PMVK: variants seen among roughly 807,000 people sequenced by gnomAD.
PMVK encodes phosphomevalonate kinase, also known as testis tissue sperm-binding protein Li 95mP.
Under a neutral mutation model 19.0 loss-of-function variants are expected in PMVK, and 10 were observed. The ratio of observed to expected loss-of-function variants is 0.53; its 90% CI spans 0.32 to 0.89. The LOEUF (loss-of-function observed/expected upper bound fraction) is 0.89, where lower values mean the gene tolerates loss of function less well. Ranked by LOEUF, PMVK falls within the 40% of genes least tolerant of loss-of-function variation. The pLI is 0.03. For missense variants in PMVK, 222 were observed against 251.1 expected, an observed-to-expected ratio of 0.88 and a Z score of 0.78; for synonymous variants, 108 against 101.6, an observed-to-expected ratio of 1.06 and a Z score of -0.38.
chr1:154,940,581 CT>C (rs547992039), upstream of PMVK, among the ~76,000 whole-genome samples: 2 of 152,210 alleles, frequency 1.3e-5, no homozygotes, highest in Non-Finnish European at 2.9e-5. Flanking sequence ...CCTGAAATAC[CT>C]TCCCCCATTC....
intron 2 of PMVK, among the ~76,000 whole-genome samples, chr1:154,929,853 C>A (rs570986569): frequency 6.6e-6 from 1 of 152,094 alleles, no homozygotes; most frequent in Non-Finnish European, 1.5e-5. Context: ...AGCATCACCT[C>A]GTTCAGATTC....
Position 154,936,572 on chromosome 1 carries a change from T to C in PMVK, c.95+19A>G, listed in dbSNP as rs1218595. Reference sequence around the variant, plus strand: ...GATGCGGAGAGCTCCCCCTTCCACCTTTCCCGCCTCACGGACACCTGCTCT... The same window carrying C: ...GATGCGGAGAGCTCCCCCTTCCACCCTTCCCGCCTCACGGACACCTGCTCT... On this transcript the variant is annotated intron_variant, in intron 1 of 4. Coordinates refer to ENST00000368467, the MANE Select transcript of PMVK (RefSeq NM_006556.4). The C allele has an allele frequency of 2.3e-5, 37 of 1,585,448 alleles. No homozygotes were observed. The African/African-American group carries it at 2.5e-4, about 11-fold the overall frequency.
intron 2 of PMVK, 26 bp downstream of exon 2, chr1:154,932,326 A>G (rs185554142): frequency 3.8e-6 from 6 of 1,586,868 alleles, no homozygotes; most frequent in East Asian, 4.5e-5. Context: ...CGCCCAACAC[A>G]CCGGATGCCA....
upstream of PMVK, among the ~76,000 whole-genome samples, chr1:154,940,766 G>A (rs1654624002): frequency 3.9e-5 from 6 of 152,186 alleles, no homozygotes; most frequent in Admixed American, 3.9e-4. Context: ...GGGCCCCACA[G>A]CATCTAGCAC....
chr1:154,935,019 G>A (rs1654458141), intron 1 of PMVK, among the ~76,000 whole-genome samples: 1 of 146,950 alleles, frequency 6.8e-6, no homozygotes, highest in African/African-American at 2.6e-5. Context: ...CCGCAACCTG[G>A]GTGCGCTCCA....
At chr1:154,934,081 C>T (rs1334236694) in intron 1 of PMVK, among the ~76,000 whole-genome samples, 1 of 152,086 alleles carries the variant, frequency 6.6e-6, no homozygotes, top group Non-Finnish European at 1.5e-5. Context: ...GTCACTGCAA[C>T]CTGCACCTCC....
At chr1:154,932,799 A>G (rs1437735737) in intron 1 of PMVK, among the ~76,000 whole-genome samples, 5 of 152,206 alleles carry the variant, frequency 3.3e-5, no homozygotes, top group Non-Finnish European at 7.3e-5. Flanking sequence ...ACCATAACAT[A>G]TATCATTTAT....
chr1:154,934,629 T>C (rs935082551), intron 1 of PMVK, among the ~76,000 whole-genome samples: 6 of 152,168 alleles, frequency 3.9e-5, no homozygotes, highest in Non-Finnish European at 5.9e-5. Context: ...GAAGCCAAGA[T>C]TGGTAAAATA....
At position 154,925,221 on chromosome 1, in the gene PMVK, C is replaced by T; in HGVS notation, c.487G>A (p.Asp163Asn). The change falls in exon 5 of 5, where the codon GAC becomes AAC. Residue 163 changes from aspartate (D) to asparagine (N), a missense_variant. Coordinates refer to ENST00000368467, the MANE Select transcript of PMVK (RefSeq NM_006556.4). ...TGGTTCTCGATGACCCAGTCAAAGT[C>T]CCCGAAGTTGTCCAGGCCACATTCT... ...ESECGLDNFGDFDWVIENHGV... is the reference protein window; with the variant it reads ...ESECGLDNFGNFDWVIENHGV... 1.2e-6 allele frequency: 2 copies of T among 1,614,062 alleles called. No individual in the cohort carries two copies. Among genetic ancestry groups the T allele is most frequent in the South Asian group, 2.2e-5 (2 of 91,078 alleles).
At chr1:154,926,604 A>G in intron 3 of PMVK, 121 bp from the exon 4 acceptor site, 1 of 745,896 alleles carries the variant, frequency 1.3e-6, no homozygotes, top group Non-Finnish European at 2.2e-6. Context: ...CATCGTGAGC[A>G]TGTCAGCAGC....
chr1:154,939,796 C>T (rs1431903987), upstream of PMVK, among the ~76,000 whole-genome samples: 1 of 151,892 alleles, frequency 6.6e-6, no homozygotes, highest in East Asian at 1.9e-4. Flanking sequence ...CAGGGTCTCA[C>T]TCTGTGCCCA....
chr1:154,928,928 T>C (rs1356520596), intron 3 of PMVK, 96 bp downstream of exon 3: 4 of 1,247,156 alleles, frequency 3.2e-6, no homozygotes, highest in Non-Finnish European at 3.5e-6. Flanking sequence ...TGGTGGGGGC[T>C]TGGGCCAGGA....
rs12063681 is a variant in PMVK, at chr1:154,931,064, C to A, written c.159+1288G>T. Reference sequence around the variant, plus strand: ...TTATGCGCCACTGCACTCCAGCCTGCGCTACAGAGCAAGACCTTGTCTCAA... The same window carrying A: ...TTATGCGCCACTGCACTCCAGCCTGAGCTACAGAGCAAGACCTTGTCTCAA... On this transcript the variant is annotated intron_variant, in intron 2 of 4. Coordinates refer to ENST00000368467, the MANE Select transcript of PMVK (RefSeq NM_006556.4). Among the ~76,000 whole-genome samples, 454 of 152,140 alleles carry A rather than the reference C, an allele frequency of 3.0e-3. 2 individuals carry two copies. Among genetic ancestry groups the A allele is most frequent in the African/African-American group, 8.6e-3 (356 of 41,494 alleles).
intron 2 of PMVK, among the ~76,000 whole-genome samples, chr1:154,931,287 C>T (rs913718081): frequency 1.1e-4 from 17 of 152,220 alleles, no homozygotes; most frequent in African/African-American, 3.6e-4. Context: ...CCAAAGCACA[C>T]GTCCCAGAAG....
chr1:154,933,192 T>C (rs1654389794), intron 1 of PMVK, among the ~76,000 whole-genome samples: 1 of 152,082 alleles, frequency 6.6e-6, no homozygotes, highest in African/African-American at 2.4e-5. Flanking sequence ...CCCAGTACTT[T>C]GGAAGGCTGA....
the PMVK span, among the ~76,000 whole-genome samples, chr1:154,942,443 T>C: frequency 6.6e-6 from 1 of 152,224 alleles, no homozygotes; most frequent in African/African-American, 2.4e-5. Context: ...TCACCACCAG[T>C]GCTGCATGGG....
At chr1:154,931,092 A>G (rs964396747) in intron 2 of PMVK, among the ~76,000 whole-genome samples, 11 of 152,306 alleles carry the variant, frequency 7.2e-5, no homozygotes, top group African/African-American at 2.6e-4. Context: ...TGTCTCAAAA[A>G]GAAAAAAAAA....
At chr1:154,930,159 G>A (rs544683624) in intron 2 of PMVK, among the ~76,000 whole-genome samples, 1 of 152,228 alleles carries the variant, frequency 6.6e-6, no homozygotes, top group Admixed American at 6.5e-5. Context: ...CTTCCATGGA[G>A]CTTTTAAAAA....
rs367961411 is a variant in PMVK, at chr1:154,926,895, T to A, written c.313-412A>T. Among the ~76,000 whole-genome samples the A allele has an allele frequency of 2.6e-5, 4 of 152,218 alleles. No homozygotes were observed. The East Asian group carries it at 5.8e-4, about 22-fold the overall frequency. On this transcript the variant is annotated intron_variant, in intron 3 of 4. Coordinates refer to ENST00000368467, the MANE Select transcript of PMVK (RefSeq NM_006556.4). ...ATTACAGTGTATGTCAACAAGTGTCTCAACCTCAACACGGCTGAAACTCAA... is the reference window on the plus strand; with the variant it reads ...ATTACAGTGTATGTCAACAAGTGTCACAACCTCAACACGGCTGAAACTCAA...
Sources: allele counts gnomAD v4.1 joint callset (sites outside exome capture counted in the v4.1 genomes callset), GRCh38; gene constraint gnomAD v4.1.1; transcripts MANE v1.5; gene names NCBI Gene and HGNC (gene_info 2026-07-23, HGNC 2026-07-21).